CIB2: variants seen among roughly 807,000 people sequenced by gnomAD.
CIB2 encodes calcium and integrin-binding family member 2.
In CIB2, 19 loss-of-function variants were observed where a neutral mutation model predicts 23.1. The ratio of observed to expected loss-of-function variants is 0.82; its 90% CI spans 0.57 to 1.21. The LOEUF is 1.21. Among genes scored for constraint, CIB2 ranks in the 50% most tolerant of loss-of-function variants. CIB2 has a pLI of 0.00. For missense variants in CIB2, 220 were observed against 241.5 expected, an observed-to-expected ratio of 0.91 and a Z score of 0.59; for synonymous variants, 94 against 91.7, an observed-to-expected ratio of 1.03 and a Z score of -0.14.
chr15:78,124,396 C>T (rs2074356870), intron 1 of CIB2, among the ~76,000 whole-genome samples: 1 of 151,456 alleles, frequency 6.6e-6, no homozygotes, highest in Admixed American at 6.6e-5. Context: ...TGGGGATCCC[C>T]AGGTAAGCAT....
In CIB2 at chr15:78,105,161, GTT is replaced by G; in HGVS notation, c.*148_*149del. The stretch of plus-strand genomic sequence containing the variant: ...TTCACAGGCCCCCTTCCTGGTTAAG[GTT>G]TTTTTTTTGCTGAAAGGGCCACAGG... On this transcript the variant is annotated 3_prime_UTR_variant, in exon 6 of 6. Coordinates refer to ENST00000258930, the MANE Select transcript of CIB2 (RefSeq NM_006383.4). 8.6e-6 allele frequency: 8 copies of G among 933,554 alleles called. No individual in the cohort carries two copies. The highest frequency in any genetic ancestry group is 3.2e-5 in the East Asian group (1 of 30,966). The allele number at this position is 933,554 out of a possible 1,614,324, so 57.8% of individuals were successfully genotyped here.
In CIB2 at chr15:78,131,101, C is replaced by A; in HGVS notation, c.51+64G>T. ...CTCTCGGGAGGCCTCGGCCAGCGACCGAGAAAAGGGAGGGGCGGCGGGGCG... is the reference window on the plus strand; with the variant it reads ...CTCTCGGGAGGCCTCGGCCAGCGACAGAGAAAAGGGAGGGGCGGCGGGGCG... On this transcript the variant is annotated intron_variant, in intron 1 of 5. Transcript: ENST00000258930. The surrounding 1 kb of genome is among the most constrained non-coding windows in gnomAD (Gnocchi z 5.8). The A allele has an allele frequency of 1.4e-6, 2 of 1,429,578 alleles. No homozygotes were observed. The highest frequency in any genetic ancestry group is 1.3e-5 in the South Asian group (1 of 78,554). 88.6% of individuals were successfully genotyped at this position (1,429,578 alleles called of 1,614,324 possible).
chr15:78,128,694 CA>C (rs531565613), intron 1 of CIB2, among the ~76,000 whole-genome samples: 149 of 54,458 alleles, frequency 2.7e-3, no homozygotes, highest in Middle Eastern at 0.013. Flanking sequence ...GACTCCGTCT[CA>C]AAAAAAAAAA....
At position 78,131,339 on chromosome 15, in the gene CIB2, G is replaced by A; in HGVS notation, c.-124C>T. On this transcript the variant is annotated 5_prime_UTR_variant, in exon 1 of 6. Coordinates refer to ENST00000258930, the MANE Select transcript of CIB2 (RefSeq NM_006383.4). This position sits in a 1 kb window ranked among gnomAD's most constrained non-coding sequence, Gnocchi z 5.8. The stretch of plus-strand genomic sequence containing the variant: ...CCCGCGGCTGGCAGCGGCCCACGGT[G>A]GCCGGACCCTTCCCGCCCCGCAGCT... 1 of 688,002 alleles carries A rather than the reference G, an allele frequency of 1.5e-6. No individual in the cohort carries two copies. Among genetic ancestry groups the A allele is most frequent in the Non-Finnish European group, 1.9e-6 (1 of 531,498 alleles). 42.6% of individuals were successfully genotyped at this position (688,002 alleles called of 1,614,324 possible).
Position 78,111,263 on chromosome 15 carries a change from A to T in CIB2, c.100T>A (p.Phe34Ile). The T allele has an allele frequency of 6.2e-7, 1 of 1,613,896 alleles. No homozygotes were observed. The highest frequency in any genetic ancestry group is 8.5e-7 in the Non-Finnish European group (1 of 1,179,900). ...ACGAGGTTGGGGGCCAGCTCATAGA[A>T]TCGCGAATGCAGCCTTGGAGGAAAG... ...KKDILKLHSR[F>I]YELAPNLVPM... The change falls in exon 3 of 6, where the codon TTC becomes ATC. Residue 34 changes from phenylalanine to isoleucine, a missense_variant. Coordinates refer to ENST00000258930, the MANE Select transcript of CIB2 (RefSeq NM_006383.4).
At chr15:78,117,075 A>C (rs1344126251) in intron 2 of CIB2, among the ~76,000 whole-genome samples, 2 of 151,756 alleles carry the variant, frequency 1.3e-5, no homozygotes, top group Non-Finnish European at 2.9e-5. Context: ...TACTTAGATA[A>C]CTATTGTGCA....
intron 4 of CIB2, 57 bp from the exon 5 acceptor site, chr15:78,105,991 T>C (rs1451718998): frequency 2.1e-6 from 3 of 1,430,986 alleles, no homozygotes; most frequent in African/African-American, 1.4e-5. Context: ...CAGGGACCCC[T>C]ACACTATAGC....
chr15:78,124,186 G>T (rs959938072), intron 1 of CIB2, among the ~76,000 whole-genome samples: 7 of 152,102 alleles, frequency 4.6e-5, no homozygotes, highest in Non-Finnish European at 1.0e-4. Flanking sequence ...TGCTAGGGGG[G>T]TTGTGCAGTC....
At position 78,105,250 on chromosome 15, in the gene CIB2, A is replaced by T. The variant is rs763058181; in HGVS notation, c.*61T>A. Reference sequence around the variant, plus strand: ...CTTTCCTGGGGAGCTTGGAGGCCACACCCATGTGACTGCAGGGCAGGATGG... The same window carrying T: ...CTTTCCTGGGGAGCTTGGAGGCCACTCCCATGTGACTGCAGGGCAGGATGG... On this transcript the variant is annotated 3_prime_UTR_variant, in exon 6 of 6. Transcript: ENST00000258930. The T allele has an allele frequency of 1.2e-6, 2 of 1,610,372 alleles. No homozygotes were observed. The highest frequency in any genetic ancestry group is 2.2e-5 in the East Asian group (1 of 44,796).
At chr15:78,113,528 CTTTCTTTCT>C (rs2074190523) in intron 2 of CIB2, among the ~76,000 whole-genome samples, 1 of 124,984 alleles carries the variant, frequency 8.0e-6, no homozygotes, top group Non-Finnish European at 1.6e-5. Context: ...TTCTTTCTTT[CTTTCTTTCT>C]TTTTTTTTTT....
chr15:78,119,487 T>G (rs1441416676), intron 2 of CIB2, among the ~76,000 whole-genome samples: 8 of 152,224 alleles, frequency 5.3e-5, no homozygotes, highest in Non-Finnish European at 2.9e-5. Context: ...TGTAAGTGTT[T>G]GAGGATCCAT....
chr15:78,130,707 G>A (rs1439208930), intron 1 of CIB2, among the ~76,000 whole-genome samples: 2 of 152,146 alleles, frequency 1.3e-5, no homozygotes, highest in Non-Finnish European at 2.9e-5. Flanking sequence ...ACTGCATGTG[G>A]GGACTGATGC....
chr15:78,121,340 C>T (rs1027111373), intron 2 of CIB2, among the ~76,000 whole-genome samples: 1 of 152,182 alleles, frequency 6.6e-6, no homozygotes, highest in African/African-American at 2.4e-5. Flanking sequence ...AGCCTAGGGT[C>T]CTGATGCGTG....
rs148524788 is a variant in CIB2 at position 78,130,612 on chromosome 15, G to C, written c.51+553C>G. ...AGGTGGCCCTGGAAGGCTGCTACCG[G>C]GCTTGCGTTCTTGCTCCAGTTATCT... On this transcript the variant is annotated intron_variant, in intron 1 of 5. Transcript: ENST00000258930. 6.0e-3 allele frequency among the ~76,000 whole-genome samples: 913 copies of C among 152,290 alleles called. 12 individuals carry two copies. The highest frequency in any genetic ancestry group is 0.021 in the African/African-American group (870 of 41,554).
chr15:78,108,817 G>C (rs2074109106), intron 4 of CIB2, among the ~76,000 whole-genome samples: 1 of 152,160 alleles, frequency 6.6e-6, no homozygotes, highest in African/African-American at 2.4e-5. Context: ...ATTCTCTCCA[G>C]ACTCATACCG....
intron 1 of CIB2, among the ~76,000 whole-genome samples, chr15:78,129,804 C>T (rs2074430296): frequency 6.6e-6 from 1 of 152,190 alleles, no homozygotes; most frequent in Non-Finnish European, 1.5e-5. Context: ...TGTGTGAGCC[C>T]TGAATGGCTC....
intron 2 of CIB2, among the ~76,000 whole-genome samples, chr15:78,114,678 T>G (rs2141897300): frequency 6.6e-6 from 1 of 151,742 alleles, no homozygotes; most frequent in African/African-American, 2.4e-5. Flanking sequence ...GGCTCATGAC[T>G]GTAATCTAAA....
intron 3 of CIB2, 64 bp downstream of exon 3, chr15:78,111,101 G>C: frequency 7.2e-7 from 1 of 1,390,896 alleles, no homozygotes; most frequent in Admixed American, 1.7e-5. Flanking sequence ...CTAGACCTGG[G>C]GGCCTCTGCT....
Position 78,111,242 on chromosome 15 carries a change from G to C in CIB2, c.121C>G (p.Leu41Val). 1.2e-6 allele frequency: 2 copies of C among 1,614,188 alleles called. No individual in the cohort carries two copies. Among genetic ancestry groups the C allele is most frequent in the Non-Finnish European group, 8.5e-7 (1 of 1,180,024 alleles). Reference protein sequence around the residue: ...HSRFYELAPNLVPMDYRKSPI... With the variant: ...HSRFYELAPNVVPMDYRKSPI... Reference sequence around the variant, plus strand: ...CTCTTCCTGTAGTCCATTGGGACGAGGTTGGGGGCCAGCTCATAGAATCGC... The same window carrying C: ...CTCTTCCTGTAGTCCATTGGGACGACGTTGGGGGCCAGCTCATAGAATCGC... The change falls in exon 3 of 6, where the codon CTC becomes GTC. Residue 41 changes from leucine to valine, a missense_variant. Physicochemically the swap from Leu to Val is conservative, Grantham distance 32. Coordinates refer to ENST00000258930, the MANE Select transcript of CIB2 (RefSeq NM_006383.4).
Sources: gnomAD v4.1 joint callset for allele counts (sites outside exome capture counted in the v4.1 genomes callset) on GRCh38, gnomAD v4.1.1 for gene constraint, Gnocchi (gnomAD v3.1) non-coding constraint, MANE v1.5 for transcripts, NCBI Gene and HGNC (gene_info 2026-07-23, HGNC 2026-07-21) for gene names.